The following C8orf34 variants were observed in gnomAD, a reference collection of about 807,000 sequenced individuals.
The protein encoded by C8orf34 is uncharacterized protein C8orf34.
C8orf34 carries 65 observed loss-of-function variants against 68.3 expected under a neutral mutation model. The observed-to-expected ratio is 0.95, with a 90% CI of 0.78 to 1.17. C8orf34 has a LOEUF of 1.17. Ranked by LOEUF, C8orf34 falls within the 50% of genes most tolerant of loss-of-function variation. The pLI is 0.00. For missense variants in C8orf34, 664 were observed against 655.4 expected (o/e 1.01, Z -0.14); for synonymous variants, 244 against 241.2 (o/e 1.01, Z -0.11).
intron 5 of C8orf34, among the ~76,000 whole-genome samples, chr8:68,506,207 C>T (rs549377408): frequency 1.3e-5 from 2 of 152,206 alleles, no homozygotes; most frequent in South Asian, 2.1e-4. Flanking sequence ...ACATCATGTA[C>T]ATTTTATTAT....
At chr8:68,772,278 T>C (rs568560358) in intron 10 of C8orf34, among the ~76,000 whole-genome samples, 1 of 152,212 alleles carries the variant, frequency 6.6e-6, no homozygotes, top group East Asian at 1.9e-4. Flanking sequence ...CAAGTGCCAG[T>C]CTGTTTGCAT....
At chr8:68,756,064 C>A (rs1201151639) in intron 10 of C8orf34, among the ~76,000 whole-genome samples, 1 of 113,996 alleles carries the variant, frequency 8.8e-6, no homozygotes, top group Admixed American at 8.2e-5. Context: ...GAGACTCTAT[C>A]TAAAAAAAAC....
chr8:68,612,859 T>TA, intron 7 of C8orf34, among the ~76,000 whole-genome samples: 1 of 152,286 alleles, frequency 6.6e-6, no homozygotes, highest in Non-Finnish European at 1.5e-5. Flanking sequence ...CTGTTTGAAT[T>TA]AATAAATTTA....
At chr8:68,527,929 G>A (rs1269136728) in intron 6 of C8orf34, among the ~76,000 whole-genome samples, 1 of 152,178 alleles carries the variant, frequency 6.6e-6, no homozygotes, top group Non-Finnish European at 1.5e-5. Context: ...GGAGAAGAGG[G>A]TGGTGTCATC....
intron 7 of C8orf34, among the ~76,000 whole-genome samples, chr8:68,635,738 T>G (rs1052492456): frequency 6.6e-6 from 1 of 152,188 alleles, no homozygotes; most frequent in Non-Finnish European, 1.5e-5. Context: ...CACAGCACTG[T>G]ACAGTATGCC....
chr8:68,352,303 G>T (rs999842281), intron 1 of C8orf34, among the ~76,000 whole-genome samples: 1 of 151,858 alleles, frequency 6.6e-6, no homozygotes, highest in Non-Finnish European at 1.5e-5. Context: ...TTAAAATGTG[G>T]GCCTACTGAG....
intron 1 of C8orf34, among the ~76,000 whole-genome samples, chr8:68,369,982 T>C (rs1807488787): frequency 1.3e-5 from 2 of 152,130 alleles, no homozygotes; most frequent in African/African-American, 2.4e-5. Context: ...CATTGTGATA[T>C]AGAATGCCTC....
Position 68,818,237 on chromosome 8 carries a change from A to G in C8orf34, c.1610-2A>G. The G allele has an allele frequency of 6.2e-7, 1 of 1,612,514 alleles. No individual in the cohort carries two copies. The highest frequency in any genetic ancestry group is 8.5e-7 in the Non-Finnish European group (1 of 1,179,192). On this transcript the variant is annotated splice_acceptor_variant, in intron 13 of 13. Coordinates refer to ENST00000518698, the MANE Select transcript of C8orf34 (RefSeq NM_052958.4). LOFTEE classifies it high-confidence loss of function. ...TTCTTCTGTTTCATTTCTCCTCTGCAGGTTTGTGAAACAGAGAGAAGAAGT... is the reference window on the plus strand; with the variant it reads ...TTCTTCTGTTTCATTTCTCCTCTGCGGGTTTGTGAAACAGAGAGAAGAAGT...
At position 68,346,733 on chromosome 8, in the gene C8orf34, A is replaced by G. The variant is rs111871935; in HGVS notation, c.327+15394A>G. ...TTCAGATTGGCTTCTTTCACTTAGT[A>G]ACTTGCAGTTAAGGTTCCTCCATGT... On this transcript the variant is annotated intron_variant, in intron 1 of 13. Coordinates refer to ENST00000518698, the MANE Select transcript of C8orf34 (RefSeq NM_052958.4). Among the ~76,000 whole-genome samples the G allele has an allele frequency of 5.6e-3, 852 of 152,226 alleles. 6 individuals are homozygous for G. The highest frequency in any genetic ancestry group is 0.02 in the African/African-American group (826 of 41,550).
intron 1 of C8orf34, among the ~76,000 whole-genome samples, chr8:68,359,118 T>C (rs1054134182): frequency 6.6e-6 from 1 of 152,188 alleles, no homozygotes; most frequent in South Asian, 2.1e-4. Flanking sequence ...AATGAAGTCA[T>C]TAAAAATGTG....
In C8orf34 at chr8:68,445,135, C is replaced by T. The variant is rs548549109; in HGVS notation, c.476-1194C>T. ...TTCCTAATGCTTTAGAATTTTCATGCCTTTTTGGTATTTAATGGGATTTTG... is the reference window on the plus strand; with the variant it reads ...TTCCTAATGCTTTAGAATTTTCATGTCTTTTTGGTATTTAATGGGATTTTG... On this transcript the variant is annotated intron_variant, in intron 2 of 13. Transcript: ENST00000518698. 3.3e-5 allele frequency among the ~76,000 whole-genome samples: 5 copies of T among 152,064 alleles called. No individual in the cohort carries two copies. In the South Asian group the frequency reaches 6.2e-4, roughly 19 times the overall value.
intron 8 of C8orf34, among the ~76,000 whole-genome samples, chr8:68,707,114 T>G (rs909789788): frequency 2.1e-4 from 32 of 152,330 alleles, no homozygotes; most frequent in African/African-American, 7.0e-4. Context: ...TTCCCGGACT[T>G]GCCCATACAC....
chr8:68,389,029 A>T (rs146457670), intron 1 of C8orf34, among the ~76,000 whole-genome samples: 63 of 152,314 alleles, frequency 4.1e-4, no homozygotes, highest in African/African-American at 1.5e-3. Flanking sequence ...ATTACAAGGT[A>T]TGCTACCCAG....
At chr8:68,612,121 T>A (rs1039351829) in intron 7 of C8orf34, among the ~76,000 whole-genome samples, 1 of 151,892 alleles carries the variant, frequency 6.6e-6, no homozygotes, top group Non-Finnish European at 1.5e-5. Flanking sequence ...TTTAGGGAGG[T>A]AGGACGGTCA....
At position 68,561,288 on chromosome 8, in the gene C8orf34, T is replaced by A. The variant is rs559789902; in HGVS notation, c.1105+28139T>A. ...ATGAGCCACCACACCCAACCCAACTTTTAATTTTTGTTAACTCTTTGACTC... is the reference window on the plus strand; with the variant it reads ...ATGAGCCACCACACCCAACCCAACTATTAATTTTTGTTAACTCTTTGACTC... On this transcript the variant is annotated intron_variant, in intron 7 of 13. Coordinates refer to ENST00000518698, the MANE Select transcript of C8orf34 (RefSeq NM_052958.4). Among the ~76,000 whole-genome samples, 370 of 152,148 alleles carry A rather than the reference T, an allele frequency of 2.4e-3. 2 individuals carry two copies. The highest frequency in any genetic ancestry group is 8.6e-3 in the African/African-American group (357 of 41,538).
intron 10 of C8orf34, among the ~76,000 whole-genome samples, chr8:68,774,737 A>G (rs368166093): frequency 5.6e-5 from 6 of 106,524 alleles, no homozygotes; most frequent in Non-Finnish European, 1.1e-4. Context: ...AGAATACATC[A>G]CAATTTTTTT....
intron 1 of C8orf34, among the ~76,000 whole-genome samples, chr8:68,354,759 C>T (rs992068797): frequency 6.6e-6 from 1 of 152,076 alleles, no homozygotes; most frequent in Admixed American, 6.6e-5. Context: ...TTTGGTCATA[C>T]ATTATATCAT....
chr8:68,772,476 T>C (rs1823369357), intron 10 of C8orf34, among the ~76,000 whole-genome samples: 1 of 152,186 alleles, frequency 6.6e-6, no homozygotes, highest in South Asian at 2.1e-4. Flanking sequence ...GACAAGAGCC[T>C]TCATCTCTGA....
At chr8:68,750,989 G>A (rs912869355) in intron 10 of C8orf34, among the ~76,000 whole-genome samples, 2 of 152,152 alleles carry the variant, frequency 1.3e-5, no homozygotes, top group South Asian at 4.1e-4. Flanking sequence ...TCTAAAGCCT[G>A]TGGATTTTAC....
Sources: allele counts gnomAD v4.1 joint callset (sites outside exome capture counted in the v4.1 genomes callset), GRCh38; gene constraint gnomAD v4.1.1; transcripts MANE v1.5; gene names NCBI Gene and HGNC (gene_info 2026-07-23, HGNC 2026-07-21).